The following SCRG1 variants were observed in gnomAD, a reference collection of about 807,000 sequenced individuals.
The protein encoded by SCRG1 is stimulator of chondrogenesis 1.
In SCRG1, 3 loss-of-function variants were observed where a neutral mutation model predicts 7.7. The observed-to-expected ratio is 0.39, with a 90% confidence interval of 0.18 to 1.01. The LOEUF (loss-of-function observed/expected upper bound fraction) is 1.01. Ranked by LOEUF, SCRG1 falls within the 50% of genes least tolerant of loss-of-function variation. The probability of loss-of-function intolerance (pLI) is 0.36; values close to 1 mark genes in which losing one functional copy is unlikely to be tolerated. For synonymous variants in SCRG1, 46 were observed against 41.2 expected (o/e 1.12, Z -0.44); for missense variants, 110 against 117.2 (o/e 0.94, Z 0.28).
chr4:173,412,935 A>G, the SCRG1 span, among the ~76,000 whole-genome samples: 3 of 152,028 alleles, frequency 2.0e-5, no homozygotes, highest in Non-Finnish European at 4.4e-5. Flanking sequence ...TAAAGGAAAT[A>G]CTCAATTTCC....
the SCRG1 span, among the ~76,000 whole-genome samples, chr4:173,437,065 C>T: frequency 6.6e-6 from 1 of 152,308 alleles, no homozygotes; most frequent in East Asian, 1.9e-4. Context: ...CTGCGGAATC[C>T]AGGAAGACAT....
the SCRG1 span, among the ~76,000 whole-genome samples, chr4:173,450,992 G>A: frequency 4.6e-5 from 7 of 152,250 alleles, no homozygotes; most frequent in Non-Finnish European, 4.4e-5. Flanking sequence ...AGCTAAAGAC[G>A]TACTTTGTCC....
At chr4:173,407,997 C>G (rs1739948602), upstream of SCRG1, among the ~76,000 whole-genome samples, 1 of 152,118 alleles carries the variant, frequency 6.6e-6, no homozygotes, top group Admixed American at 6.5e-5. Context: ...AAAGCATTTT[C>G]AAACTGAAAT....
At chr4:173,484,977 T>G in the SCRG1 span, among the ~76,000 whole-genome samples, 1 of 37,824 alleles carries the variant, frequency 2.6e-5, no homozygotes, top group Admixed American at 5.7e-4. Flanking sequence ...TATATAATAT[T>G]ATAAATATAA....
the SCRG1 span, among the ~76,000 whole-genome samples, chr4:173,502,723 G>T: frequency 2.6e-5 from 4 of 152,116 alleles, no homozygotes; most frequent in Admixed American, 2.6e-4. The surrounding 1 kb of genome is among the most constrained non-coding windows in gnomAD (Gnocchi z 4.6). Flanking sequence ...TCAAAATGGG[G>T]AATCCAGGCT....
At chr4:173,395,738 G>C (rs558056868) in intron 1 of SCRG1, among the ~76,000 whole-genome samples, 1 of 152,170 alleles carries the variant, frequency 6.6e-6, no homozygotes, top group African/African-American at 2.4e-5. Flanking sequence ...GTCATTGTCA[G>C]CATTTTTATA....
chr4:173,500,564 C>T, the SCRG1 span, among the ~76,000 whole-genome samples: 699 of 152,180 alleles, frequency 4.6e-3, 1 homozygote, highest in Non-Finnish European at 7.6e-3. Flanking sequence ...GCTGCGCTGT[C>T]GACTTCCTGG....
At chr4:173,503,131 G>A in the SCRG1 span, among the ~76,000 whole-genome samples, 97,814 of 151,994 alleles carry the variant, frequency 0.64, 32,319 homozygotes, top group Non-Finnish European at 0.73. This position sits in a 1 kb window ranked among gnomAD's most constrained non-coding sequence, Gnocchi z 6.4. Flanking sequence ...AGCTAGAGCA[G>A]GTGTCCACCT....
the SCRG1 span, among the ~76,000 whole-genome samples, chr4:173,445,656 A>C: frequency 6.7e-6 from 1 of 148,320 alleles, no homozygotes; most frequent in South Asian, 2.1e-4. Context: ...TTTTCACAAG[A>C]CTCTTTAAGG....
chr4:173,500,889 C>T, the SCRG1 span, among the ~76,000 whole-genome samples: 2 of 152,224 alleles, frequency 1.3e-5, no homozygotes, highest in Non-Finnish European at 2.9e-5. Context: ...TTCTACCCAC[C>T]GCCGGAGAAA....
At chr4:173,402,051 C>G (rs1739775887), upstream of SCRG1, among the ~76,000 whole-genome samples, 1 of 152,236 alleles carries the variant, frequency 6.6e-6, no homozygotes, top group East Asian at 1.9e-4. Flanking sequence ...TCCTGATGGG[C>G]TGTTACTCAG....
Position 173,388,223 on chromosome 4 carries a change from A to C in SCRG1, c.*118T>G. On this transcript the variant is annotated 3_prime_UTR_variant, in exon 3 of 3. Transcript: ENST00000296506. ...ACAGATTTACTTGTCTTAGACAAGTAAGAATTTATAGAATCTATGCTCTAT... is the reference window on the plus strand; with the variant it reads ...ACAGATTTACTTGTCTTAGACAAGTCAGAATTTATAGAATCTATGCTCTAT... The C allele has an allele frequency of 1.7e-6, 1 of 590,930 alleles. No individual in the cohort carries two copies. The highest frequency in any genetic ancestry group is 2.9e-6 in the Non-Finnish European group (1 of 343,570). The allele number at this position is 590,930 out of a possible 1,614,324, so 36.6% of individuals were successfully genotyped here.
At chr4:173,430,260 C>T in the SCRG1 span, among the ~76,000 whole-genome samples, 6 of 152,112 alleles carry the variant, frequency 3.9e-5, no homozygotes, top group African/African-American at 1.2e-4. Context: ...TATTAGAAAA[C>T]CTGAACCCTA....
chr4:173,394,200 C>T (rs1046830946), intron 1 of SCRG1, among the ~76,000 whole-genome samples: 3 of 151,952 alleles, frequency 2.0e-5, no homozygotes, highest in East Asian at 3.9e-4. Context: ...GTGCTTTTCC[C>T]CCCTGCCTTG....
Position 173,386,438 on chromosome 4 carries a change from G to C in SCRG1, c.*1903C>G, listed in dbSNP as rs1739250754. The C allele has an allele frequency of 6.6e-6, 1 of 151,596 alleles. No homozygotes were observed. Among genetic ancestry groups the C allele is most frequent in the African/African-American group, 2.4e-5 (1 of 41,156 alleles). 9.4% of individuals were successfully genotyped at this position (151,596 alleles called of 1,614,324 possible). On this transcript the variant is annotated 3_prime_UTR_variant, in exon 3 of 3. Transcript: ENST00000296506. ...GCTGGGATTACAGGCGTGAGCCACC[G>C]CACCCAGCCGTGTTTATATACACTT...
the SCRG1 span, among the ~76,000 whole-genome samples, chr4:173,517,480 A>AT: frequency 0.071 from 10,644 of 148,900 alleles, 400 homozygotes; most frequent in Middle Eastern, 0.13. Flanking sequence ...AGTAACTGCT[A>AT]TTTTTTTTTT....
chr4:173,505,705 T>C, the SCRG1 span, among the ~76,000 whole-genome samples: 2 of 152,136 alleles, frequency 1.3e-5, no homozygotes, highest in African/African-American at 4.8e-5. The surrounding 1 kb of genome is among the most constrained non-coding windows in gnomAD (Gnocchi z 4.4). Context: ...TAAAGCATTC[T>C]CTCTAGAGTG....
chr4:173,471,990 T>C, the SCRG1 span, among the ~76,000 whole-genome samples: 17 of 152,306 alleles, frequency 1.1e-4, no homozygotes, highest in East Asian at 2.3e-3. Context: ...ATTACAGGCG[T>C]GAGCCACCGT....
the SCRG1 span, among the ~76,000 whole-genome samples, chr4:173,457,435 A>G: frequency 2.6e-5 from 4 of 152,224 alleles, no homozygotes; most frequent in Admixed American, 2.6e-4. Flanking sequence ...TCTAAAAAGA[A>G]AAGCTTTTTT....
Sources: gnomAD v4.1 joint callset for allele counts (sites outside exome capture counted in the v4.1 genomes callset) on GRCh38, gnomAD v4.1.1 for gene constraint, Gnocchi (gnomAD v3.1) non-coding constraint, MANE v1.5 for transcripts, NCBI Gene and HGNC (gene_info 2026-07-23, HGNC 2026-07-21) for gene names.